The following BCR variants were observed in gnomAD, a reference collection of about 807,000 sequenced individuals.
The protein encoded by BCR is BCR activator of RhoGEF and GTPase.
A neutral mutation model predicts 138.6 loss-of-function variants in BCR; 58 were observed. The ratio of observed to expected loss-of-function variants is 0.42; its 90% CI spans 0.34 to 0.52. The LOEUF (loss-of-function observed/expected upper bound fraction) is 0.52. BCR is among the 20% of genes least tolerant of loss of function. The pLI is 0.06. For missense variants in BCR, 1,599 were observed against 1,727.2 expected, an observed-to-expected ratio of 0.93 and a Z score of 1.32; for synonymous variants, 786 against 730.1, an observed-to-expected ratio of 1.08 and a Z score of -1.23.
intron 9 of BCR, among the ~76,000 whole-genome samples, chr22:23,284,493 T>C (rs1326368866): frequency 6.6e-6 from 1 of 151,852 alleles, no homozygotes; most frequent in African/African-American, 2.4e-5. Flanking sequence ...CCCTCCTCCC[T>C]CCTCCCTGGG....
intron 1 of BCR, among the ~76,000 whole-genome samples, chr22:23,240,793 T>A (rs1291308395): frequency 3.3e-5 from 5 of 152,162 alleles, no homozygotes; most frequent in Non-Finnish European, 7.3e-5. Context: ...CAGAACTTTT[T>A]CATATTCTCC....
intron 18 of BCR, among the ~76,000 whole-genome samples, chr22:23,310,804 A>C (rs1245169810): frequency 6.6e-6 from 1 of 152,110 alleles, no homozygotes; most frequent in Non-Finnish European, 1.5e-5. Context: ...GCAGACATAG[A>C]CCACTTCCTC....
At chr22:23,264,275 T>G (rs531655486) in intron 4 of BCR, 3 of 916,920 alleles carry the variant, frequency 3.3e-6, no homozygotes, top group African/African-American at 3.2e-5. Context: ...TCGGCAGCCC[T>G]GTGTACTGCC....
chr22:23,221,406 TTCA>T (rs2072823149), intron 1 of BCR, among the ~76,000 whole-genome samples: 1 of 152,178 alleles, frequency 6.6e-6, no homozygotes, highest in African/African-American at 2.4e-5. Context: ...CCTGTTCCCC[TTCA>T]TCAGGGGTGT....
intron 1 of BCR, among the ~76,000 whole-genome samples, chr22:23,241,263 G>A (rs567154296): frequency 2.0e-5 from 3 of 152,330 alleles, no homozygotes; most frequent in East Asian, 1.9e-4. Flanking sequence ...GTGTCTGCCC[G>A]TGGCTGGGCC....
intron 1 of BCR, among the ~76,000 whole-genome samples, chr22:23,220,224 T>G (rs2072808044): frequency 6.6e-6 from 1 of 152,196 alleles, no homozygotes. Context: ...CTCTGTCGAA[T>G]GTACTTCTGA....
chr22:23,185,240 G>C (rs1457930872), intron 1 of BCR, among the ~76,000 whole-genome samples: 1 of 152,198 alleles, frequency 6.6e-6, no homozygotes, highest in African/African-American at 2.4e-5. Flanking sequence ...TGGCCCTGCG[G>C]TGTTCTTCCC....
intron 1 of BCR, among the ~76,000 whole-genome samples, chr22:23,209,296 G>A (rs1208952904): frequency 1.3e-5 from 2 of 151,994 alleles, no homozygotes; most frequent in East Asian, 3.9e-4. Context: ...AGAGGTGAAG[G>A]TTGCAGTGAG....
At chr22:23,277,053 C>T (rs534578111) in intron 8 of BCR, among the ~76,000 whole-genome samples, 39 of 152,328 alleles carry the variant, frequency 2.6e-4, no homozygotes, top group Admixed American at 2.0e-3. Context: ...GCTCCCCTGA[C>T]GACACTAGCC....
chr22:23,270,415 A>G (rs1480062652), intron 5 of BCR, among the ~76,000 whole-genome samples: 2 of 152,162 alleles, frequency 1.3e-5, no homozygotes, highest in African/African-American at 2.4e-5. Context: ...GCTCCTAGAT[A>G]ACTCCCAAGC....
intron 16 of BCR, among the ~76,000 whole-genome samples, chr22:23,301,957 T>G (rs2073906391): frequency 6.6e-6 from 1 of 152,244 alleles, no homozygotes; most frequent in Admixed American, 6.5e-5. Flanking sequence ...GTGCTGTCAG[T>G]GGCTCTTTTC....
chr22:23,312,107 C>T (rs955317177), intron 19 of BCR, among the ~76,000 whole-genome samples: 1 of 152,216 alleles, frequency 6.6e-6, no homozygotes, highest in African/African-American at 2.4e-5. Flanking sequence ...TGGGGTTGGA[C>T]AGGAGGTGGA....
intron 2 of BCR, chr22:23,254,636 T>G (rs895667368): frequency 3.9e-6 from 2 of 516,146 alleles, no homozygotes; most frequent in African/African-American, 3.9e-5. Context: ...CGCCCGGCCC[T>G]GCATGAAGTT....
In BCR at chr22:23,189,752, G is replaced by A. The variant is rs1303513859; in HGVS notation, c.1279+7513G>A. On this transcript the variant is annotated intron_variant, in intron 1 of 22. Transcript: ENST00000305877. ...TTTGACCCCGTGATCCACCCGCCTCGGCCTCCCAAAGTGCTGGGATTATAG... is the reference window on the plus strand; with the variant it reads ...TTTGACCCCGTGATCCACCCGCCTCAGCCTCCCAAAGTGCTGGGATTATAG... 4.6e-5 allele frequency among the ~76,000 whole-genome samples: 7 copies of A among 152,124 alleles called. No homozygotes were observed. In the South Asian group the frequency reaches 6.2e-4, roughly 14 times the overall value.
chr22:23,201,618 C>T (rs543470240), intron 1 of BCR, among the ~76,000 whole-genome samples: 55 of 152,230 alleles, frequency 3.6e-4, no homozygotes, highest in Middle Eastern at 3.4e-3. Flanking sequence ...CCACCATGCC[C>T]GGCTAATTTT....
chr22:23,305,678 C>A (rs887843087), intron 16 of BCR, among the ~76,000 whole-genome samples: 1 of 152,210 alleles, frequency 6.6e-6, no homozygotes, highest in African/African-American at 2.4e-5. Flanking sequence ...TCTGCCAGGC[C>A]CGCTGACCAT....
At chr22:23,287,751 G>C (rs1384698674) in intron 11 of BCR, among the ~76,000 whole-genome samples, 1 of 152,238 alleles carries the variant, frequency 6.6e-6, no homozygotes, top group Non-Finnish European at 1.5e-5. Flanking sequence ...CTCTGGGCTA[G>C]TGTGGGGCTT....
chr22:23,214,347 A>G (rs1295325051), intron 1 of BCR, among the ~76,000 whole-genome samples: 2 of 152,126 alleles, frequency 1.3e-5, no homozygotes, highest in African/African-American at 4.8e-5. Flanking sequence ...CTTCTTTGCC[A>G]ATGGTATTTC....
chr22:23,315,427 G>T lies in BCR; in HGVS notation c.3727-6G>T, dbSNP rs370925084. 7 of 1,613,462 alleles carry T rather than the reference G, an allele frequency of 4.3e-6. No homozygotes were observed. In the African/African-American group the frequency reaches 8.0e-5, roughly 18 times the overall value. Reference sequence around the variant, plus strand: ...CACTCTTCTCTTCCCTACTCTGCCCGGGCAGGTCCAGGTGCTGCTGTACTT... The same window carrying T: ...CACTCTTCTCTTCCCTACTCTGCCCTGGCAGGTCCAGGTGCTGCTGTACTT... On this transcript the variant is annotated splice_region_variant and splice_polypyrimidine_tract_variant and intron_variant, in intron 22 of 22. Coordinates refer to ENST00000305877, the MANE Select transcript of BCR (RefSeq NM_004327.4).
Sources: allele counts gnomAD v4.1 joint callset (sites outside exome capture counted in the v4.1 genomes callset), GRCh38; gene constraint gnomAD v4.1.1; transcripts MANE v1.5; gene names NCBI Gene and HGNC (gene_info 2026-07-23, HGNC 2026-07-21).